TNNI3K: variants seen among roughly 807,000 people sequenced by gnomAD.
The protein encoded by TNNI3K is TNNI3 interacting kinase.
In TNNI3K, 140 loss-of-function variants were observed where a neutral mutation model predicts 114.5. That is an observed-to-expected ratio of 1.22 (90% CI 1.07 to 1.41). TNNI3K has a LOEUF of 1.41. Among genes scored for constraint, TNNI3K ranks in the 40% most tolerant of loss-of-function variants. The pLI is 0.00. For synonymous variants in TNNI3K, 347 were observed against 347.5 expected (o/e 1.00, Z 0.02); for missense variants, 1,125 against 1,007.6 (o/e 1.12, Z -1.58).
chr1:74,485,365 C>G (rs370489115), intron 21 of TNNI3K, among the ~76,000 whole-genome samples: 6 of 152,170 alleles, frequency 3.9e-5, no homozygotes, highest in East Asian at 3.9e-4. Context: ...TTAGTCCTAC[C>G]TGGCCGGTTA....
At chr1:74,315,825 A>G (rs952254431) in intron 5 of TNNI3K, among the ~76,000 whole-genome samples, 1 of 152,142 alleles carries the variant, frequency 6.6e-6, no homozygotes, top group Non-Finnish European at 1.5e-5. Context: ...TTTGTGTTCT[A>G]CATATTTTTC....
At chr1:74,379,709 C>T (rs990992152) in intron 17 of TNNI3K, among the ~76,000 whole-genome samples, 2 of 152,214 alleles carry the variant, frequency 1.3e-5, no homozygotes, top group East Asian at 3.9e-4. Context: ...TCCCTGCCTC[C>T]TCGACTAATG....
chr1:74,432,803 C>A (rs1055067752), intron 17 of TNNI3K, among the ~76,000 whole-genome samples: 5 of 152,008 alleles, frequency 3.3e-5, no homozygotes, highest in African/African-American at 1.2e-4. Flanking sequence ...CTAATTATAG[C>A]AGTCCTGCAT....
chr1:74,419,786 A>C (rs1665307134), intron 17 of TNNI3K, among the ~76,000 whole-genome samples: 1 of 152,172 alleles, frequency 6.6e-6, no homozygotes, highest in South Asian at 2.1e-4. Context: ...AAAGTAGCAT[A>C]ACAAATGAAA....
chr1:74,486,233 G>GAGAGAGAGAGAGAGAGAGAGAGAGAGAGA (rs200856016), intron 21 of TNNI3K, among the ~76,000 whole-genome samples: 3 of 150,098 alleles, frequency 2.0e-5, no homozygotes, highest in African/African-American at 7.4e-5. Context: ...GAGAGAGAGA[G>GAGAGAGAGAGAGAGAGAGAGAGAGAGAGA]GTGGGAAATA....
chr1:74,407,598 A>G (rs1664678228), intron 17 of TNNI3K, among the ~76,000 whole-genome samples: 3 of 152,154 alleles, frequency 2.0e-5, no homozygotes, highest in African/African-American at 7.2e-5. Flanking sequence ...CTTCAGATTT[A>G]CACTTCTTCT....
chr1:74,475,555 G>T, intron 21 of TNNI3K: 1 of 717,450 alleles, frequency 1.4e-6, no homozygotes, highest in South Asian at 1.5e-5. Flanking sequence ...AGAGGCCGAT[G>T]TTGCTTGATG....
intron 21 of TNNI3K, among the ~76,000 whole-genome samples, chr1:74,486,234 G>GAGAGAGAGAGAGAGA (rs1381381282): frequency 1.8e-5 from 1 of 56,262 alleles, no homozygotes; most frequent in South Asian, 6.5e-4. Flanking sequence ...AGAGAGAGAG[G>GAGAGAGAGAGAGAGA]TGGGAAATAT....
At chr1:74,528,231 G>T (rs1300965478) in intron 23 of TNNI3K, among the ~76,000 whole-genome samples, 1 of 152,156 alleles carries the variant, frequency 6.6e-6, no homozygotes, top group Admixed American at 6.5e-5. Context: ...TGGAGCATAA[G>T]GGTGGTGAAG....
intron 17 of TNNI3K, among the ~76,000 whole-genome samples, chr1:74,434,405 C>T (rs995964515): frequency 6.6e-6 from 1 of 152,018 alleles, no homozygotes; most frequent in Non-Finnish European, 1.5e-5. Flanking sequence ...CTCCTTTACA[C>T]TACCGTATAA....
chr1:74,293,745 C>A (rs980891601), intron 5 of TNNI3K, among the ~76,000 whole-genome samples: 7 of 151,604 alleles, frequency 4.6e-5, no homozygotes, highest in Non-Finnish European at 8.9e-5. Context: ...AAGAATAGAC[C>A]TGTTTTATTC....
intron 21 of TNNI3K, among the ~76,000 whole-genome samples, chr1:74,487,098 G>A (rs1366727520): frequency 6.6e-6 from 1 of 152,220 alleles, no homozygotes; most frequent in African/African-American, 2.4e-5. Flanking sequence ...ACAGTAGCTT[G>A]AAGGAGGACG....
intron 23 of TNNI3K, among the ~76,000 whole-genome samples, chr1:74,514,551 A>G (rs1646321078): frequency 6.6e-6 from 1 of 152,222 alleles, no homozygotes; most frequent in Non-Finnish European, 1.5e-5. Flanking sequence ...TTATTAATAT[A>G]ATATCCCCAA....
chr1:74,313,382 C>T (rs955476629), intron 5 of TNNI3K, among the ~76,000 whole-genome samples: 2 of 152,200 alleles, frequency 1.3e-5, no homozygotes, highest in African/African-American at 4.8e-5. Flanking sequence ...TCATTAGACA[C>T]TTGGAAGATA....
At chr1:74,435,943 G>C in intron 17 of TNNI3K, 137 bp from the exon 18 acceptor site, 1 of 1,104,350 alleles carries the variant, frequency 9.1e-7, no homozygotes, top group Non-Finnish European at 1.3e-6. Flanking sequence ...AAAAAATTTT[G>C]ATTTAGCCCT....
intron 3 of TNNI3K, 84 bp from the exon 4 acceptor site, chr1:74,250,588 T>G: frequency 7.7e-7 from 1 of 1,295,586 alleles, no homozygotes. Context: ...TACAGCTGTA[T>G]GGCATTTATC....
intron 23 of TNNI3K, among the ~76,000 whole-genome samples, chr1:74,504,615 T>C (rs1669796298): frequency 6.6e-6 from 1 of 152,148 alleles, no homozygotes; most frequent in Non-Finnish European, 1.5e-5. Flanking sequence ...AGAAGAGCCC[T>C]ACGTGTGTAA....
chr1:74,328,459 C>T (rs560871519), intron 5 of TNNI3K, among the ~76,000 whole-genome samples: 1 of 152,126 alleles, frequency 6.6e-6, no homozygotes, highest in South Asian at 2.1e-4. Flanking sequence ...AGATACTCTC[C>T]CCATCATTAC....
At chr1:74,334,712 GCTA>G (rs1400009403) in intron 6 of TNNI3K, among the ~76,000 whole-genome samples, 1 of 152,094 alleles carries the variant, frequency 6.6e-6, no homozygotes, top group African/African-American at 2.4e-5. Context: ...AGATGCCAGG[GCTA>G]CTGTTTCTAT....
Sources: allele counts gnomAD v4.1 joint callset (sites outside exome capture counted in the v4.1 genomes callset), GRCh38; gene constraint gnomAD v4.1.1; transcripts MANE v1.5; gene names NCBI Gene and HGNC (gene_info 2026-07-23, HGNC 2026-07-21).